The following CDK8 variants were observed in gnomAD, a reference collection of about 807,000 sequenced individuals.
CDK8 encodes the protein cyclin dependent kinase 8.
CDK8 carries 29 observed loss-of-function variants against 71.5 expected under a neutral mutation model. That is an observed-to-expected ratio of 0.41 (90% CI 0.30 to 0.55). CDK8 has a LOEUF of 0.55. Among genes scored for constraint, CDK8 ranks in the 20% least tolerant of loss-of-function variants. The pLI is 0.37. For synonymous variants in CDK8, 161 were observed against 192.1 expected, an observed-to-expected ratio of 0.84 and a Z score of 1.34; for missense variants, 288 against 572.6, an observed-to-expected ratio of 0.50 and a Z score of 5.07.
In CDK8 at chr13:26,254,862, C is replaced by T. The variant is rs1871447630; in HGVS notation, c.128+93C>T. ...GGAGGGAGAGCGGGCCGCCGGGGTG[C>T]CGGGCTCTGACTTCCTCGACGCCGG... On this transcript the variant is annotated intron_variant, in intron 1 of 12. Coordinates refer to ENST00000381527, the MANE Select transcript of CDK8 (RefSeq NM_001260.3). The surrounding 1 kb of genome is among the most constrained non-coding windows in gnomAD (Gnocchi z 6.7). 6.5e-7 allele frequency: 1 copy of T among 1,527,758 alleles called. No individual in the cohort carries two copies. The highest frequency in any genetic ancestry group is 2.0e-5 in the Admixed American group (1 of 50,454). 94.6% of individuals were successfully genotyped at this position (1,527,758 alleles called of 1,614,324 possible). A position where few individuals can be genotyped will look rare whatever the true frequency, so the allele number is the denominator to read the frequency against.
chr13:26,319,313 CA>C (rs1337611859), intron 1 of CDK8, among the ~76,000 whole-genome samples: 2 of 151,548 alleles, frequency 1.3e-5, no homozygotes, highest in African/African-American at 4.8e-5. Context: ...ACTAAAAATA[CA>C]AAAAAACAGC....
At chr13:26,279,703 G>A (rs988077498) in intron 1 of CDK8, among the ~76,000 whole-genome samples, 4 of 151,998 alleles carry the variant, frequency 2.6e-5, no homozygotes, top group African/African-American at 9.7e-5. Flanking sequence ...AGTAAATTTG[G>A]ATTTAATAAA....
At position 26,365,672 on chromosome 13, in the gene CDK8, G is replaced by A. The variant is rs73160342; in HGVS notation, c.456+11792G>A. Among the ~76,000 whole-genome samples the A allele has an allele frequency of 5.2e-3, 788 of 152,038 alleles. 6 individuals are homozygous for A. Among genetic ancestry groups the A allele is most frequent in the Non-Finnish European group, 8.3e-3 (562 of 67,938 alleles). On this transcript the variant is annotated intron_variant, in intron 4 of 12. Coordinates refer to ENST00000381527, the MANE Select transcript of CDK8 (RefSeq NM_001260.3). The stretch of plus-strand genomic sequence containing the variant: ...ATCTGAGTTTTTCTCCATTCATAAC[G>A]TAATTGATGTAATACATCATTATGT...
chr13:26,300,288 A>G (rs1413074911), intron 1 of CDK8, among the ~76,000 whole-genome samples: 1 of 152,146 alleles, frequency 6.6e-6, no homozygotes, highest in African/African-American at 2.4e-5. Context: ...CTGATAACCA[A>G]GACAGCTACT....
At chr13:26,382,687 G>A (rs1403922020) in intron 4 of CDK8, 127 bp from the exon 5 acceptor site, 3 of 582,768 alleles carry the variant, frequency 5.1e-6, no homozygotes, top group African/African-American at 1.9e-5. Context: ...GTGACTTCCT[G>A]TATTTGGTTT....
intron 1 of CDK8, among the ~76,000 whole-genome samples, chr13:26,292,990 G>A (rs1009840524): frequency 6.6e-6 from 1 of 152,140 alleles, no homozygotes; most frequent in African/African-American, 2.4e-5. Context: ...GTAGGACTGG[G>A]TGCTTTCAGT....
intron 7 of CDK8, among the ~76,000 whole-genome samples, chr13:26,394,180 A>G (rs1438503778): frequency 1.3e-5 from 2 of 152,202 alleles, no homozygotes; most frequent in Admixed American, 6.5e-5. Context: ...AATAATGAGA[A>G]TTTGTTTAAA....
At chr13:26,306,621 T>C (rs1874054303) in intron 1 of CDK8, among the ~76,000 whole-genome samples, 1 of 141,864 alleles carries the variant, frequency 7.0e-6, no homozygotes, top group East Asian at 2.0e-4. Context: ...CCCTTATTGC[T>C]CTTTTTTTTT....
intron 1 of CDK8, among the ~76,000 whole-genome samples, chr13:26,284,864 G>A (rs6491118): frequency 0.11 from 16,229 of 151,492 alleles, 2,597 homozygotes; most frequent in African/African-American, 0.35. Context: ...CAGCAAGTGG[G>A]GGAGGGAGAT....
intron 6 of CDK8, among the ~76,000 whole-genome samples, chr13:26,393,107 T>A (rs534245087): frequency 5.3e-5 from 8 of 152,204 alleles, no homozygotes; most frequent in African/African-American, 1.9e-4. Context: ...GTGAAACCAT[T>A]TGGGTGGTAT....
At chr13:26,292,253 C>T (rs1337150701) in intron 1 of CDK8, among the ~76,000 whole-genome samples, 1 of 152,092 alleles carries the variant, frequency 6.6e-6, no homozygotes, top group Non-Finnish European at 1.5e-5. Context: ...TATTCTTACA[C>T]CGTTTTCTAC....
rs376851182 is a variant in CDK8 at position 26,325,413 on chromosome 13, T to C, written c.129-12154T>C. 2.0e-4 allele frequency among the ~76,000 whole-genome samples: 30 copies of C among 152,342 alleles called. No homozygotes were observed. In the East Asian group the frequency reaches 4.8e-3, roughly 24 times the overall value. Reference sequence around the variant, plus strand: ...GAAAGTGTTGTTTAATTTGCTTTGATGCATTGTAATCTTGTGTAAGATTAT... The same window carrying C: ...GAAAGTGTTGTTTAATTTGCTTTGACGCATTGTAATCTTGTGTAAGATTAT... On this transcript the variant is annotated intron_variant, in intron 1 of 12. Coordinates refer to ENST00000381527, the MANE Select transcript of CDK8 (RefSeq NM_001260.3).
At chr13:26,366,103 A>C (rs1874375373) in intron 4 of CDK8, among the ~76,000 whole-genome samples, 1 of 152,172 alleles carries the variant, frequency 6.6e-6, no homozygotes, top group African/African-American at 2.4e-5. Flanking sequence ...ATATTAGATA[A>C]GATTTTCTTT....
chr13:26,354,528 C>A (rs192062567), intron 4 of CDK8, among the ~76,000 whole-genome samples: 148 of 152,296 alleles, frequency 9.7e-4, no homozygotes, highest in Middle Eastern at 3.4e-3. Flanking sequence ...TCATTAGGGA[C>A]CAGGCCACAC....
At position 26,371,860 on chromosome 13, in the gene CDK8, C is replaced by T. The variant is rs577859980; in HGVS notation, c.457-10954C>T. ...CTCGAAATCCTGACCTCAAGTTATC[C>T]GCCCGCCTCAGCCTCCCAAAGTGCT... On this transcript the variant is annotated intron_variant, in intron 4 of 12. Transcript: ENST00000381527. 3.9e-5 allele frequency among the ~76,000 whole-genome samples: 6 copies of T among 152,202 alleles called. No individual in the cohort carries two copies. In the South Asian group the frequency reaches 6.2e-4, roughly 16 times the overall value.
intron 1 of CDK8, among the ~76,000 whole-genome samples, chr13:26,312,809 C>A (rs17083750): frequency 6.6e-6 from 1 of 151,980 alleles, no homozygotes; most frequent in Admixed American, 6.6e-5. Flanking sequence ...TTTATGTTTC[C>A]GGAGTGTGTG....
At chr13:26,400,367 C>A in intron 9 of CDK8, 86 bp from the exon 10 acceptor site, 3 of 813,510 alleles carry the variant, frequency 3.7e-6, no homozygotes, top group South Asian at 3.1e-5. Context: ...TGTTATTCAC[C>A]AAAAAATATA....
At chr13:26,333,798 T>C (rs187130658) in intron 1 of CDK8, among the ~76,000 whole-genome samples, 12 of 152,288 alleles carry the variant, frequency 7.9e-5, no homozygotes, top group African/African-American at 2.9e-4. Flanking sequence ...ACACCTCTCA[T>C]CCCATGCATT....
chr13:26,268,308 C>CACACACAG (rs1262327135), intron 1 of CDK8, among the ~76,000 whole-genome samples: 4 of 99,724 alleles, frequency 4.0e-5, no homozygotes, highest in Admixed American at 1.2e-4. Flanking sequence ...CACACACACA[C>CACACACAG]AGTCCTGTGT....
Sources: allele counts gnomAD v4.1 joint callset (sites outside exome capture counted in the v4.1 genomes callset), GRCh38; gene constraint gnomAD v4.1.1; non-coding constraint Gnocchi (gnomAD v3.1); transcripts MANE v1.5; gene names NCBI Gene and HGNC (gene_info 2026-07-23, HGNC 2026-07-21).